The following APC variants were observed in gnomAD, a reference collection of about 807,000 sequenced individuals.
APC encodes adenomatous polyposis coli protein.
A neutral mutation model predicts 247.0 loss-of-function variants in APC; 72 were observed. That is an observed-to-expected ratio of 0.29 (90% CI 0.24 to 0.35). APC has a LOEUF of 0.35. Ranked by LOEUF, APC falls within the 10% of genes least tolerant of loss-of-function variation. APC has a pLI of 1.00. For synonymous variants in APC, 1,254 were observed against 1,162.5 expected (o/e 1.08, Z -1.60); for missense variants, 3,400 against 3,360.7 (o/e 1.01, Z -0.29).
intron 1 of APC, among the ~76,000 whole-genome samples, chr5:112,711,191 C>A (rs985183651): frequency 3.3e-5 from 5 of 152,222 alleles, no homozygotes; most frequent in African/African-American, 1.2e-4. Context: ...CCTGGCAGAT[C>A]AGTGGCGGCA....
chr5:112,724,736 C>T (rs1256279484), intron 1 of APC, among the ~76,000 whole-genome samples: 1 of 151,944 alleles, frequency 6.6e-6, no homozygotes, highest in Non-Finnish European at 1.5e-5. Flanking sequence ...AAGAACCTTC[C>T]AGTAAATGAA....
rs864622311 is a variant in APC, at chr5:112,841,703, G to A, written c.6109G>A (p.Asp2037Asn). 1.2e-6 allele frequency: 2 copies of A among 1,613,696 alleles called. No individual in the cohort carries two copies. The highest frequency in any genetic ancestry group is 3.3e-5 in the Admixed American group (2 of 59,982). Residue 2037 changes from aspartate (D) to asparagine (N), a missense_variant, in exon 16 of 16, where the codon GAC becomes AAC. Asp to Asn is a conservative substitution (Grantham distance 23). This residue lies in a region of APC where 1,788 missense variants were observed against 1,649.5 expected (regional missense o/e 1.08). Transcript: ENST00000257430. This position sits in a 1 kb window ranked among gnomAD's most constrained non-coding sequence, Gnocchi z 4.6. The part of the protein sequence containing the change: ...LSSLSIDSED[D>N]LLQECISSAM... ...TTCTCTTAGTATTGACTCTGAAGAT[G>A]ACCTGTTGCAGGAATGTATAAGCTC... is the stretch of plus-strand genomic sequence containing the variant.
intron 8 of APC, among the ~76,000 whole-genome samples, chr5:112,808,415 A>G (rs1308813321): frequency 6.6e-6 from 1 of 152,006 alleles, no homozygotes; most frequent in East Asian, 1.9e-4. Context: ...TGAAGAACTA[A>G]AGTTGTTTTT....
chr5:112,769,208 G>A (rs1215430181), intron 4 of APC, among the ~76,000 whole-genome samples: 6 of 151,410 alleles, frequency 4.0e-5, no homozygotes, highest in African/African-American at 1.5e-4. Flanking sequence ...GCCCCACCGC[G>A]TCCGGCTAAT....
chr5:112,829,502 A>T (rs1181292322), intron 14 of APC: 1 of 161,350 alleles, frequency 6.2e-6, no homozygotes, highest in African/African-American at 2.4e-5. Flanking sequence ...CAAACTCCTA[A>T]AGTACTAAGG....
chr5:112,757,604 A>G (rs1755133253), intron 2 of APC, among the ~76,000 whole-genome samples: 1 of 152,116 alleles, frequency 6.6e-6, no homozygotes. Context: ...TGTGGCGTAT[A>G]TCTGTGGTCC....
intron 8 of APC, among the ~76,000 whole-genome samples, chr5:112,811,197 A>G (rs936789917): frequency 4.6e-5 from 7 of 152,342 alleles, no homozygotes; most frequent in African/African-American, 7.2e-5. Flanking sequence ...TGTCTCACAC[A>G]TTTGGACACT....
chr5:112,782,866 T>A (rs1285422283), intron 6 of APC, among the ~76,000 whole-genome samples: 1 of 152,182 alleles, frequency 6.6e-6, no homozygotes, highest in Admixed American at 6.5e-5. Flanking sequence ...TATTACCATA[T>A]AACTGGCAAA....
intron 10 of APC, among the ~76,000 whole-genome samples, chr5:112,820,471 A>G (rs1411632152): frequency 6.6e-6 from 1 of 152,134 alleles, no homozygotes; most frequent in African/African-American, 2.4e-5. Context: ...CAGCACAGTG[A>G]GACACTATCT....
At chr5:112,721,039 G>A (rs1312155383) in intron 1 of APC, among the ~76,000 whole-genome samples, 1 of 152,184 alleles carries the variant, frequency 6.6e-6, no homozygotes, top group Non-Finnish European at 1.5e-5. Context: ...TTGGATTGGA[G>A]AACACAGTAA....
intron 5 of APC, among the ~76,000 whole-genome samples, chr5:112,778,751 G>C (rs1458263759): frequency 6.6e-6 from 1 of 152,068 alleles, no homozygotes; most frequent in Non-Finnish European, 1.5e-5. Context: ...TGATGTGTTA[G>C]CCAGGATGTT....
At chr5:112,748,967 A>G (rs990414931) in intron 1 of APC, among the ~76,000 whole-genome samples, 3 of 152,148 alleles carry the variant, frequency 2.0e-5, no homozygotes, top group African/African-American at 7.2e-5. Context: ...TGACAGAGTA[A>G]AACCCTGTCT....
intron 4 of APC, among the ~76,000 whole-genome samples, chr5:112,773,919 A>T (rs1364909737): frequency 6.6e-6 from 1 of 152,226 alleles, no homozygotes. Context: ...ACCATTTAAA[A>T]AAACTAGACA....
intron 4 of APC, among the ~76,000 whole-genome samples, chr5:112,774,151 C>T (rs1014716392): frequency 3.3e-5 from 5 of 152,094 alleles, no homozygotes; most frequent in Non-Finnish European, 5.9e-5. Flanking sequence ...TACCCTCCAA[C>T]TAAGAGTTGG....
At chr5:112,721,337 C>T (rs1314255093) in intron 1 of APC, among the ~76,000 whole-genome samples, 1 of 152,044 alleles carries the variant, frequency 6.6e-6, no homozygotes, top group Non-Finnish European at 1.5e-5. Flanking sequence ...TCACTTGAAC[C>T]CGGAAGACGG....
upstream of APC, among the ~76,000 whole-genome samples, chr5:112,735,357 T>C (rs1752325274): frequency 6.6e-6 from 1 of 152,032 alleles, no homozygotes; most frequent in African/African-American, 2.4e-5. Context: ...TTTGTATTCT[T>C]GGTAGAAATG....
chr5:112,814,322 A>G (rs1185032126), intron 8 of APC, among the ~76,000 whole-genome samples: 1 of 152,118 alleles, frequency 6.6e-6, no homozygotes, highest in Non-Finnish European at 1.5e-5. Flanking sequence ...TCAGGTGCCC[A>G]TTGGGGATTC....
chr5:112,728,380 C>T (rs1751918826), intron 1 of APC, among the ~76,000 whole-genome samples: 2 of 152,256 alleles, frequency 1.3e-5, no homozygotes, highest in Admixed American at 6.5e-5. Flanking sequence ...GATCCGCCCA[C>T]CTCAGCCTCC....
chr5:112,792,555 TG>T, intron 7 of APC, 26 bp downstream of exon 7: 13 of 1,556,872 alleles, frequency 8.4e-6, no homozygotes, highest in Non-Finnish European at 1.2e-5. Flanking sequence ...TTCTTGTTTG[TG>T]GGTATAAAAA....
Sources: allele counts gnomAD v4.1 joint callset (sites outside exome capture counted in the v4.1 genomes callset), GRCh38; gene constraint gnomAD v4.1.1; regional missense constraint gnomAD v4.1.1; non-coding constraint Gnocchi (gnomAD v3.1); transcripts MANE v1.5; gene names NCBI Gene and HGNC (gene_info 2026-07-23, HGNC 2026-07-21).